Variants in GSC2 observed in about 807,000 individuals in gnomAD.
GSC2 encodes the protein goosecoid homeobox 2.
Under a neutral mutation model 11.3 loss-of-function variants are expected in GSC2, and 12 were observed. The ratio of observed to expected loss-of-function variants is 1.06; its 90% CI spans 0.68 to 1.72. The LOEUF is 1.72. Among genes scored for constraint, GSC2 ranks in the 40% most tolerant of loss-of-function variants. The pLI is 0.00. For missense variants in GSC2, 310 were observed against 235.7 expected (o/e 1.32, Z -2.06); for synonymous variants, 148 against 110.0 (o/e 1.35, Z -2.16).
Position 19,148,987 on chromosome 22 carries a change from G to A in GSC2, c.*4C>T, listed in dbSNP as rs782250268. 9 of 1,567,840 alleles carry A rather than the reference G, an allele frequency of 5.7e-6. No individual in the cohort carries two copies. Among genetic ancestry groups the A allele is most frequent in the Admixed American group, 5.3e-5 (3 of 56,910 alleles). On this transcript the variant is annotated 3_prime_UTR_variant, in exon 3 of 3. Coordinates refer to ENST00000086933, the MANE Select transcript of GSC2 (RefSeq NM_005315.2). ...GCCGAGCCCAGGGGCAGCTCCTAGA[G>A]TCATCAGCAGCTCCCCTTCGGGGAC...
In GSC2 at chr22:19,148,800, G is replaced by C. The variant is rs1008364609; in HGVS notation, c.*191C>G. 1 of 541,792 alleles carries C rather than the reference G, an allele frequency of 1.8e-6. No individual in the cohort carries two copies. The highest frequency in any genetic ancestry group is 2.5e-5 in the South Asian group (1 of 40,702). The allele number at this position is 541,792 out of a possible 1,614,324, so 33.6% of individuals were successfully genotyped here. A position where few individuals can be genotyped will look rare whatever the true frequency, so the allele number is the denominator to read the frequency against. On this transcript the variant is annotated 3_prime_UTR_variant, in exon 3 of 3. Coordinates refer to ENST00000086933, the MANE Select transcript of GSC2 (RefSeq NM_005315.2). ...GGGACTCGCCACTCCCACTGCCGTG[G>C]AACACCAAGCACCGGGGGCCCGTCC...
rs2083800824 is a variant in GSC2 at position 19,147,814 on chromosome 22, T to C, written c.*1177A>G. 6.6e-6 allele frequency among the ~76,000 whole-genome samples: 1 copy of C among 152,024 alleles called. No homozygotes were observed. The highest frequency in any genetic ancestry group is 1.5e-5 in the Non-Finnish European group (1 of 67,982). On this transcript the variant is annotated 3_prime_UTR_variant, in exon 3 of 3. Coordinates refer to ENST00000086933, the MANE Select transcript of GSC2 (RefSeq NM_005315.2). ...GTCCTGCTTTTAGAGATGGACTTCA[T>C]CTCTTGCAGGTAGAATGGCCCCATT...
chr22:19,147,885 T>A lies in GSC2; in HGVS notation c.*1106A>T, dbSNP rs2083801198. On this transcript the variant is annotated 3_prime_UTR_variant, in exon 3 of 3. Transcript: ENST00000086933. ...GACAGAACGAGGTGCTCAAGCCAGC[T>A]GGGGGTGGGGATGTGAGATGCTTTG... Among the ~76,000 whole-genome samples the A allele has an allele frequency of 7.9e-5, 12 of 152,188 alleles. 1 individual carries two copies. The South Asian group carries it at 2.5e-3, about 32-fold the overall frequency.
Position 19,150,057 on chromosome 22 carries a change from G to A in GSC2, c.227C>T (p.Pro76Leu), listed in dbSNP as rs1490513923. The change falls in exon 1 of 3, where the codon CCC becomes CTC. Residue 76 changes from proline to leucine, a missense_variant. Transcript: ENST00000086933. ...GGCGGCCGCCTCTGGGGGCCCGCAGGGCGCCGCGCGGGGGCCGCAGCAGCA... is the reference window on the plus strand; with the variant it reads ...GGCGGCCGCCTCTGGGGGCCCGCAGAGCGCCGCGCGGGGGCCGCAGCAGCA... ...CCCCCGPRAA[P>L]CGPPEAAAGL... 8.0e-6 allele frequency: 8 copies of A among 1,000,252 alleles called. No individual in the cohort carries two copies. In the African/African-American group the frequency reaches 8.8e-5, roughly 11 times the overall value. The allele number at this position is 1,000,252 out of a possible 1,614,324, so 62.0% of individuals were successfully genotyped here.
chr22:19,149,160 C>T, intron 2 of GSC2, 65 bp from the exon 3 acceptor site: 1 of 989,644 alleles, frequency 1.0e-6, no homozygotes, highest in South Asian at 1.7e-5. Context: ...CCCGAGGGTC[C>T]CACAGGGACC....
rs2083805571 is a variant in GSC2, at chr22:19,148,550, C to A, written c.*441G>T. On this transcript the variant is annotated 3_prime_UTR_variant, in exon 3 of 3. Coordinates refer to ENST00000086933, the MANE Select transcript of GSC2 (RefSeq NM_005315.2). The stretch of plus-strand genomic sequence containing the variant: ...AACGCCAGGACTGCACAGACACGAA[C>A]CCCATCCCCTCTCCCGCTGGGGGAG... 6.2e-6 allele frequency: 1 copy of A among 160,502 alleles called. No homozygotes were observed. The allele number at this position is 160,502 out of a possible 1,614,324, so 9.9% of individuals were successfully genotyped here.
Position 19,148,609 on chromosome 22 carries a change from T to G in GSC2, c.*382A>C. Reference sequence around the variant, plus strand: ...AGGTCAAGTTAGGTCAATGTCCACATTGAGAAGAGGGTGGCCAGCATGTCC... The same window carrying G: ...AGGTCAAGTTAGGTCAATGTCCACAGTGAGAAGAGGGTGGCCAGCATGTCC... On this transcript the variant is annotated 3_prime_UTR_variant, in exon 3 of 3. Coordinates refer to ENST00000086933, the MANE Select transcript of GSC2 (RefSeq NM_005315.2). The G allele has an allele frequency of 5.4e-6, 1 of 184,786 alleles. No homozygotes were observed. The highest frequency in any genetic ancestry group is 1.5e-4 in the East Asian group (1 of 6,682). The allele number at this position is 184,786 out of a possible 1,614,324, so 11.4% of individuals were successfully genotyped here. A position where few individuals can be genotyped will look rare whatever the true frequency, so the allele number is the denominator to read the frequency against.
At chr22:19,149,518 G>C in intron 2 of GSC2, 145 bp downstream of exon 2, 1 of 864,294 alleles carries the variant, frequency 1.2e-6, no homozygotes, top group Non-Finnish European at 1.6e-6. Context: ...GACGCCCAGC[G>C]CCGTCCAGGG....
Position 19,148,646 on chromosome 22 carries a change from G to A in GSC2, c.*345C>T, listed in dbSNP as rs748035869. On this transcript the variant is annotated 3_prime_UTR_variant, in exon 3 of 3. Transcript: ENST00000086933. ...TGGCCAGCATGTCCCAGGGTGCGGA[G>A]AGACGCTCCACTGCGTAGGATTCTG... 3 of 250,356 alleles carry A rather than the reference G, an allele frequency of 1.2e-5. No homozygotes were observed. The highest frequency in any genetic ancestry group is 2.3e-5 in the Non-Finnish European group (3 of 130,230). The allele number at this position is 250,356 out of a possible 1,614,324, so 15.5% of individuals were successfully genotyped here.
Position 19,147,898 on chromosome 22 carries a change from G to A in GSC2, c.*1093C>T, listed in dbSNP as rs114423018. Among the ~76,000 whole-genome samples the A allele has an allele frequency of 2.0e-3, 307 of 152,278 alleles. No individual in the cohort carries two copies. Among genetic ancestry groups the A allele is most frequent in the African/African-American group, 7.2e-3 (299 of 41,554 alleles). The stretch of plus-strand genomic sequence containing the variant: ...GCTCAAGCCAGCTGGGGGTGGGGAT[G>A]TGAGATGCTTTGGACCCACTGTAGG... On this transcript the variant is annotated 3_prime_UTR_variant, in exon 3 of 3. Coordinates refer to ENST00000086933, the MANE Select transcript of GSC2 (RefSeq NM_005315.2).
chr22:19,149,030 G>C lies in GSC2; in HGVS notation c.579C>G (p.Leu193=). The change falls in exon 3 of 3, where the codon CTC becomes CTG. Residue 193 remains leucine, a synonymous_variant. Coordinates refer to ENST00000086933, the MANE Select transcript of GSC2 (RefSeq NM_005315.2). ...TCGGGGACTTCTTGACGCCGGGCAG[G>C]AGCCTCGCGGAAGCCGACGCGCGCT... is the stretch of plus-strand genomic sequence containing the variant. The part of the protein sequence containing the change: ...HQKRASASAR[L]LPGVKKSPKG... 5 of 1,602,672 alleles carry C rather than the reference G, an allele frequency of 3.1e-6. No homozygotes were observed. The highest frequency in any genetic ancestry group is 4.3e-6 in the Non-Finnish European group (5 of 1,174,922).
At chr22:19,149,616 T>G (rs1170620254) in intron 2 of GSC2, 47 bp downstream of exon 2, 2 of 1,480,096 alleles carry the variant, frequency 1.4e-6, no homozygotes, top group East Asian at 5.6e-5. Context: ...CAGTCCAGTG[T>G]AGCCGCGGCC....
In GSC2 at chr22:19,148,080, G is replaced by A. The variant is rs564233045; in HGVS notation, c.*911C>T. Among the ~76,000 whole-genome samples, 1 of 152,162 alleles carries A rather than the reference G, an allele frequency of 6.6e-6. No individual in the cohort carries two copies. The highest frequency in any genetic ancestry group is 6.5e-5 in the Admixed American group (1 of 15,282). On this transcript the variant is annotated 3_prime_UTR_variant, in exon 3 of 3. Transcript: ENST00000086933. ...CCTAGGATGGCACAGATTGCTGTGAGGGAGTCCGAGCCCACAGCATGAAAA... is the reference window on the plus strand; with the variant it reads ...CCTAGGATGGCACAGATTGCTGTGAAGGAGTCCGAGCCCACAGCATGAAAA...
At position 19,150,115 on chromosome 22, in the gene GSC2, C is replaced by A. The variant is rs1267929071; in HGVS notation, c.169G>T (p.Gly57Trp). 9.1e-6 allele frequency: 9 copies of A among 993,308 alleles called. No individual in the cohort carries two copies. In the African/African-American group the frequency reaches 1.6e-4, roughly 17 times the overall value. 61.5% of individuals were successfully genotyped at this position (993,308 alleles called of 1,614,324 possible). A position where few individuals can be genotyped will look rare whatever the true frequency, so the allele number is the denominator to read the frequency against. ...RQSPAKPEEP[G>W]APEAAPCACC... ...GCGCAGGGCGCAGCCTCGGGCGCCC[C>A]GGGCTCCTCTGGCTTCGCGGGGCTC... is the stretch of plus-strand genomic sequence containing the variant. The change falls in exon 1 of 3, where the codon GGG (glycine) becomes TGG (tryptophan). Residue 57 changes from glycine (G) to tryptophan (W), a missense_variant. Coordinates refer to ENST00000086933, the MANE Select transcript of GSC2 (RefSeq NM_005315.2).
At position 19,150,139 on chromosome 22, in the gene GSC2, T is replaced by C; in HGVS notation, c.145A>G (p.Ser49Gly). Reference protein sequence around the residue: ...ACPPQPAGRQSPAKPEEPGAP... With the variant: ...ACPPQPAGRQGPAKPEEPGAP... ...CCGGGCTCCTCTGGCTTCGCGGGGC[T>C]CTGGCGACCGGCGGGCTGCGGTGGG... Residue 49 changes from serine (S) to glycine (G), a missense_variant, in exon 1 of 3, where the codon AGC becomes GGC. Physicochemically the swap from Ser to Gly is moderately conservative, Grantham distance 56. Coordinates refer to ENST00000086933, the MANE Select transcript of GSC2 (RefSeq NM_005315.2). 1 of 938,792 alleles carries C rather than the reference T, an allele frequency of 1.1e-6. No homozygotes were observed. Among genetic ancestry groups the C allele is most frequent in the Non-Finnish European group, 1.3e-6 (1 of 778,760 alleles). The allele number at this position is 938,792 out of a possible 1,614,324, so 58.2% of individuals were successfully genotyped here.
At position 19,149,054 on chromosome 22, in the gene GSC2, C is replaced by A; in HGVS notation, c.555G>T (p.Lys185Asn). Residue 185 changes from lysine (K) to asparagine (N), a missense_variant, in exon 3 of 3, where the codon AAG becomes AAT. Transcript: ENST00000086933. ...KNRRAKWRHQ[K>N]RASASARLLP... The stretch of plus-strand genomic sequence containing the variant: ...GGAGCCTCGCGGAAGCCGACGCGCG[C>A]TTCTGGTGTCGCCATTTGGCCCGGC... The A allele has an allele frequency of 1.2e-6, 2 of 1,601,536 alleles. No individual in the cohort carries two copies. Among genetic ancestry groups the A allele is most frequent in the Non-Finnish European group, 8.5e-7 (1 of 1,174,240 alleles).
intron 2 of GSC2, 55 bp downstream of exon 2, chr22:19,149,608 G>A: frequency 1.4e-6 from 2 of 1,464,504 alleles, no homozygotes; most frequent in Non-Finnish European, 1.8e-6. Context: ...CAGGACCCCA[G>A]TCCAGTGTAG....
At position 19,148,671 on chromosome 22, in the gene GSC2, G is replaced by C; in HGVS notation, c.*320C>G. 3.1e-6 allele frequency: 1 copy of C among 326,576 alleles called. No homozygotes were observed. Among genetic ancestry groups the C allele is most frequent in the Non-Finnish European group, 5.6e-6 (1 of 177,150 alleles). The allele number at this position is 326,576 out of a possible 1,614,324, so 20.2% of individuals were successfully genotyped here. ...GAGACGCTCCACTGCGTAGGATTCT[G>C]GGTCCCGTGTTGATACGGGGTGGTT... On this transcript the variant is annotated 3_prime_UTR_variant, in exon 3 of 3. Transcript: ENST00000086933.
chr22:19,148,494 C>G lies in GSC2; in HGVS notation c.*497G>C, dbSNP rs190395947. ...CTTCTTATTCTACAGGTCCAGATAC[C>G]AAGACCCAGCCCAGGGCCTGGGAAG... On this transcript the variant is annotated 3_prime_UTR_variant, in exon 3 of 3. Transcript: ENST00000086933. 2 of 153,336 alleles carry G rather than the reference C, an allele frequency of 1.3e-5. No homozygotes were observed. The highest frequency in any genetic ancestry group is 4.8e-5 in the African/African-American group (2 of 41,472). 9.5% of individuals were successfully genotyped at this position (153,336 alleles called of 1,614,324 possible). A position where few individuals can be genotyped will look rare whatever the true frequency, so the allele number is the denominator to read the frequency against.
Sources: gnomAD v4.1 joint callset for allele counts (sites outside exome capture counted in the v4.1 genomes callset) on GRCh38, gnomAD v4.1.1 for gene constraint, MANE v1.5 for transcripts, NCBI Gene and HGNC (gene_info 2026-07-23, HGNC 2026-07-21) for gene names.